PCCA: variants seen among roughly 807,000 people sequenced by gnomAD.
The protein encoded by PCCA is propionyl-CoA carboxylase subunit alpha.
PCCA carries 74 observed loss-of-function variants against 101.3 expected under a neutral mutation model. The ratio of observed to expected loss-of-function variants is 0.73; its 90% CI spans 0.61 to 0.89. The LOEUF is 0.89. Among genes scored for constraint, PCCA ranks in the 40% least tolerant of loss-of-function variants. PCCA has a pLI of 0.00. For missense variants in PCCA, 891 were observed against 907.0 expected (o/e 0.98, Z 0.23); for synonymous variants, 294 against 313.6 (o/e 0.94, Z 0.66).
At chr13:100,142,315 A>G (rs933410683) in intron 4 of PCCA, among the ~76,000 whole-genome samples, 1 of 152,110 alleles carries the variant, frequency 6.6e-6, no homozygotes, top group African/African-American at 2.4e-5. Flanking sequence ...AGACAGGTGG[A>G]TTATAGCCCT....
At chr13:100,320,579 T>A (rs1392062973) in intron 16 of PCCA, among the ~76,000 whole-genome samples, 1 of 152,228 alleles carries the variant, frequency 6.6e-6, no homozygotes, top group Non-Finnish European at 1.5e-5. Flanking sequence ...TCTATTGAGA[T>A]AATCATGTGG....
intron 22 of PCCA, among the ~76,000 whole-genome samples, chr13:100,516,309 T>G (rs544510465): frequency 5.9e-5 from 9 of 152,370 alleles, no homozygotes; most frequent in Non-Finnish European, 8.8e-5. Context: ...TGACTGTCTC[T>G]CATGGATGAG....
chr13:100,383,429 C>T (rs1029093084), intron 19 of PCCA, among the ~76,000 whole-genome samples: 3 of 151,888 alleles, frequency 2.0e-5, no homozygotes, highest in African/African-American at 7.2e-5. Context: ...GAGGTCTAGA[C>T]CAGCCCTGGC....
intron 21 of PCCA, among the ~76,000 whole-genome samples, chr13:100,493,919 G>A (rs373739427): frequency 2.6e-5 from 4 of 152,290 alleles, no homozygotes; most frequent in Non-Finnish European, 4.4e-5. Context: ...GGCTGGGCGC[G>A]GTGGCTCACG....
intron 8 of PCCA, among the ~76,000 whole-genome samples, chr13:100,239,109 A>C (rs991253369): frequency 2.0e-4 from 30 of 152,186 alleles, no homozygotes; most frequent in Admixed American, 4.6e-4. Flanking sequence ...AGTGCCTTTT[A>C]CATAATGGTA....
At chr13:100,392,790 G>A (rs969422397) in intron 19 of PCCA, among the ~76,000 whole-genome samples, 1 of 152,178 alleles carries the variant, frequency 6.6e-6, no homozygotes, top group Non-Finnish European at 1.5e-5. Flanking sequence ...GCGTTTTAAT[G>A]AATTCACATT....
At chr13:100,194,293 C>G (rs943235623) in intron 6 of PCCA, among the ~76,000 whole-genome samples, 3 of 151,944 alleles carry the variant, frequency 2.0e-5, no homozygotes, top group Non-Finnish European at 4.4e-5. Context: ...CGAGGTTAAG[C>G]AAGACGTGGG....
In PCCA at chr13:100,194,609, C is replaced by T. The variant is rs891953755; in HGVS notation, c.469-14723C>T. Reference sequence around the variant, plus strand: ...ATTTTTTTTGTATTTTTATTAGAGACGGGGTTTCACCATATTGGCCAGGCT... The same window carrying T: ...ATTTTTTTTGTATTTTTATTAGAGATGGGGTTTCACCATATTGGCCAGGCT... On this transcript the variant is annotated intron_variant, in intron 6 of 23. Transcript: ENST00000376285. Among the ~76,000 whole-genome samples the T allele has an allele frequency of 3.3e-5, 5 of 151,998 alleles. No individual in the cohort carries two copies. The East Asian group carries it at 5.8e-4, about 18-fold the overall frequency.
intron 21 of PCCA, among the ~76,000 whole-genome samples, chr13:100,469,716 G>T (rs535297479): frequency 6.6e-6 from 1 of 150,982 alleles, no homozygotes; most frequent in South Asian, 2.1e-4. Context: ...GGAGGCTGAG[G>T]TTGCAGTAAG....
At chr13:100,101,479 G>A (rs535564711) in intron 1 of PCCA, among the ~76,000 whole-genome samples, 67 of 152,196 alleles carry the variant, frequency 4.4e-4, no homozygotes, top group South Asian at 3.9e-3. Flanking sequence ...ATAATTTCCC[G>A]TTCACAGTTC....
intron 6 of PCCA, among the ~76,000 whole-genome samples, chr13:100,171,444 CA>C (rs1290709989): frequency 2.0e-5 from 3 of 152,152 alleles, no homozygotes; most frequent in Admixed American, 2.0e-4. Flanking sequence ...AGATTCTAGA[CA>C]GAATGAGCAT....
intron 21 of PCCA, among the ~76,000 whole-genome samples, chr13:100,498,235 CAA>C (rs34099057): frequency 0.08 from 10,184 of 127,894 alleles, 464 homozygotes; most frequent in African/African-American, 0.13. Flanking sequence ...GTAGGTTAGC[CAA>C]AAAAAAAAAA....
At chr13:100,312,946 T>C (rs1341520662) in intron 16 of PCCA, among the ~76,000 whole-genome samples, 1 of 152,170 alleles carries the variant, frequency 6.6e-6, no homozygotes, top group Admixed American at 6.5e-5. Context: ...AGAGAGGGGT[T>C]TTTCTTGACA....
chr13:100,497,088 A>G (rs1374839722), intron 21 of PCCA, among the ~76,000 whole-genome samples: 1 of 152,142 alleles, frequency 6.6e-6, no homozygotes, highest in Non-Finnish European at 1.5e-5. Flanking sequence ...TCTTAATTCC[A>G]TAGTTCTCTC....
intron 1 of PCCA, among the ~76,000 whole-genome samples, 161 bp from the exon 2 acceptor site, chr13:100,102,722 G>T (rs2047383699): frequency 6.6e-6 from 1 of 152,138 alleles, no homozygotes; most frequent in South Asian, 2.1e-4. Flanking sequence ...TGTGTCTGTA[G>T]ATATGATTTC....
chr13:100,165,005 C>G (rs2054881084), intron 6 of PCCA, among the ~76,000 whole-genome samples: 1 of 152,188 alleles, frequency 6.6e-6, no homozygotes, highest in Admixed American at 6.5e-5. Flanking sequence ...CATCCAAGTT[C>G]CTTCCTCTTT....
At chr13:100,327,828 G>A (rs1287780958) in intron 16 of PCCA, among the ~76,000 whole-genome samples, 1 of 152,190 alleles carries the variant, frequency 6.6e-6, no homozygotes, top group East Asian at 1.9e-4. Flanking sequence ...CCTATGCTTA[G>A]TGGACATTTT....
intron 7 of PCCA, among the ~76,000 whole-genome samples, chr13:100,221,815 G>A (rs949083317): frequency 7.3e-6 from 1 of 137,156 alleles, no homozygotes; most frequent in Non-Finnish European, 1.5e-5. Flanking sequence ...TCAGCTCACT[G>A]CAACCTCTGC....
At chr13:100,123,579 T>A (rs1416093260) in intron 4 of PCCA, among the ~76,000 whole-genome samples, 1 of 151,916 alleles carries the variant, frequency 6.6e-6, no homozygotes, top group Non-Finnish European at 1.5e-5. Flanking sequence ...AACCGATTTT[T>A]AAAAATGCTC....
Sources: gnomAD v4.1 joint callset for allele counts (sites outside exome capture counted in the v4.1 genomes callset) on GRCh38, gnomAD v4.1.1 for gene constraint, MANE v1.5 for transcripts, NCBI Gene and HGNC (gene_info 2026-07-23, HGNC 2026-07-21) for gene names.